Variants in NCOA3 observed in about 807,000 individuals in gnomAD.
NCOA3 encodes the protein CBP-interacting protein.
A neutral mutation model predicts 158.8 loss-of-function variants in NCOA3; 51 were observed. The ratio of observed to expected loss-of-function variants is 0.32; its 90% CI spans 0.26 to 0.41. NCOA3 has a LOEUF of 0.41. NCOA3 is among the 10% of genes least tolerant of loss of function. The pLI is 1.00. For missense variants in NCOA3, 1,510 were observed against 1,746.6 expected (o/e 0.86, Z 2.41); for synonymous variants, 537 against 592.4 (o/e 0.91, Z 1.36).
In NCOA3 at chr20:47,639,192, C is replaced by T; in HGVS notation, c.2697C>T (p.Gly899=). Residue 899 remains glycine (G), a synonymous_variant, in exon 14 of 23, where the codon GGC becomes GGT. Transcript: ENST00000371998. ...PRMMDSQENY[G]SSMGGPNRNV... is the part of the protein sequence containing the mutation. The stretch of plus-strand genomic sequence containing the variant: ...TGATGGATAGTCAGGAAAATTATGG[C>T]TCAAGTATGGGTACGTTATTTCTAA... 6.2e-7 allele frequency: 1 copy of T among 1,612,676 alleles called. No homozygotes were observed. The highest frequency in any genetic ancestry group is 8.5e-7 in the Non-Finnish European group (1 of 1,178,836).
intron 1 of NCOA3, among the ~76,000 whole-genome samples, chr20:47,557,494 G>A (rs1003928357): frequency 1.3e-5 from 2 of 152,168 alleles, no homozygotes; most frequent in African/African-American, 2.4e-5. Flanking sequence ...GGTTTAAACC[G>A]CCACCTGTCT....
chr20:47,613,586 C>T (rs964256409), intron 2 of NCOA3, among the ~76,000 whole-genome samples: 1 of 151,372 alleles, frequency 6.6e-6, no homozygotes, highest in African/African-American at 2.4e-5. Flanking sequence ...AAAAAATTTC[C>T]CTCTCTGACA....
intron 2 of NCOA3, among the ~76,000 whole-genome samples, chr20:47,591,692 A>AT (rs1182824345): frequency 2.0e-5 from 3 of 147,932 alleles, no homozygotes; most frequent in African/African-American, 5.0e-5. Flanking sequence ...TGGGTTGTTG[A>AT]TTTTTTTATT....
intron 18 of NCOA3, among the ~76,000 whole-genome samples, chr20:47,647,909 G>GTTTTTTTTT (rs1199919209): frequency 1.6e-5 from 2 of 128,090 alleles, no homozygotes; most frequent in African/African-American, 2.9e-5. Context: ...TTGTTTGTTT[G>GTTTTTTTTT]TTTTGTTTTG....
chr20:47,650,630 G>A (rs1402492508), intron 19 of NCOA3, among the ~76,000 whole-genome samples: 4 of 151,854 alleles, frequency 2.6e-5, no homozygotes, highest in Admixed American at 6.6e-5. Context: ...TCGGGAGGCC[G>A]AGGTGGGCGG....
intron 1 of NCOA3, among the ~76,000 whole-genome samples, chr20:47,522,497 A>T (rs2084358865): frequency 1.3e-5 from 2 of 151,294 alleles, no homozygotes; most frequent in South Asian, 4.2e-4. Context: ...ATACAGAGAC[A>T]GAAGGAGGGG....
chr20:47,580,716 A>G (rs1161384349), intron 1 of NCOA3, among the ~76,000 whole-genome samples: 2 of 152,144 alleles, frequency 1.3e-5, no homozygotes, highest in Non-Finnish European at 2.9e-5. Flanking sequence ...GGGCCAGAAG[A>G]TCTTAGAGGT....
chr20:47,634,326 GT>G, intron 10 of NCOA3, 131 bp downstream of exon 10: 1 of 832,000 alleles, frequency 1.2e-6, no homozygotes, highest in Non-Finnish European at 1.9e-6. Context: ...GATGAAATGA[GT>G]TTAGATTCCT....
chr20:47,575,722 A>C (rs1449857871), intron 1 of NCOA3, among the ~76,000 whole-genome samples: 2 of 152,210 alleles, frequency 1.3e-5, no homozygotes, highest in African/African-American at 4.8e-5. Flanking sequence ...TCTAAACGTA[A>C]AGGTAAATTT....
At position 47,563,208 on chromosome 20, in the gene NCOA3, A is replaced by G. The variant is rs73125849; in HGVS notation, c.-98-19975A>G. Among the ~76,000 whole-genome samples, 867 of 152,348 alleles carry G rather than the reference A, an allele frequency of 5.7e-3. 4 individuals are homozygous for G. The highest frequency in any genetic ancestry group is 7.5e-3 in the Non-Finnish European group (511 of 68,036). The stretch of plus-strand genomic sequence containing the variant: ...TTTTTATATTACATTAAGGAGTTTA[A>G]CATTTTGTAGAGCTTAAAAAGTTTT... On this transcript the variant is annotated intron_variant, in intron 1 of 22. Coordinates refer to ENST00000371998, the MANE Select transcript of NCOA3 (RefSeq NM_181659.3).
chr20:47,524,340 C>T (rs931691556), intron 1 of NCOA3, among the ~76,000 whole-genome samples: 13 of 151,972 alleles, frequency 8.6e-5, no homozygotes, highest in East Asian at 1.9e-4. Context: ...GGTAAGAGAC[C>T]GAGGATAGAA....
chr20:47,533,369 A>G (rs1203868401), intron 1 of NCOA3, among the ~76,000 whole-genome samples: 1 of 149,642 alleles, frequency 6.7e-6, no homozygotes, highest in African/African-American at 2.5e-5. Flanking sequence ...CTTTGGTTGT[A>G]AAGGTGATTA....
At chr20:47,617,430 A>G (rs918003593) in intron 2 of NCOA3, among the ~76,000 whole-genome samples, 3 of 152,166 alleles carry the variant, frequency 2.0e-5, no homozygotes, top group African/African-American at 7.2e-5. Context: ...ACCGGTTAAG[A>G]ACTTCATGGT....
intron 2 of NCOA3, among the ~76,000 whole-genome samples, chr20:47,620,963 C>A (rs2086231203): frequency 6.6e-6 from 1 of 152,148 alleles, no homozygotes; most frequent in Non-Finnish European, 1.5e-5. Flanking sequence ...AAATACAATA[C>A]CCCTGAGATT....
chr20:47,512,760 G>A (rs184418039), intron 1 of NCOA3, among the ~76,000 whole-genome samples: 10 of 152,250 alleles, frequency 6.6e-5, no homozygotes, highest in Non-Finnish European at 1.5e-4. Context: ...CCGTTTGTTG[G>A]TAAGGATGTG....
chr20:47,593,241 C>T (rs896032792), intron 2 of NCOA3, among the ~76,000 whole-genome samples: 4 of 149,696 alleles, frequency 2.7e-5, no homozygotes, highest in African/African-American at 9.9e-5. Context: ...CCACCACATA[C>T]GTTTTAAAAT....
Position 47,624,015 on chromosome 20 carries a change from A to G in NCOA3, c.188A>G (p.Asn63Ser), listed in dbSNP as rs772255844. Residue 63 changes from asparagine to serine, a missense_variant, in exon 4 of 23, where the codon AAT becomes AGT. Physicochemically the swap from Asn to Ser is conservative, Grantham distance 46 (BLOSUM62 1). This residue lies in a region of NCOA3 where 309 missense variants were observed against 427.1 expected (regional missense o/e 0.72). Coordinates refer to ENST00000371998, the MANE Select transcript of NCOA3 (RefSeq NM_181659.3). ...AATCTTAGTGATATTGACAATTTCA[A>G]TGTCAAACCAGATAAATGTGCGATT... ...SANLSDIDNFNVKPDKCAILK... is the reference protein window; with the variant it reads ...SANLSDIDNFSVKPDKCAILK... The G allele has an allele frequency of 4.3e-6, 7 of 1,612,680 alleles. No homozygotes were observed. The highest frequency in any genetic ancestry group is 2.2e-5 in the East Asian group (1 of 44,888).
rs1444595285 is a variant in NCOA3 at position 47,655,563 on chromosome 20, T to C, written c.*2146T>C. The C allele has an allele frequency of 1.3e-5, 2 of 152,630 alleles. No individual in the cohort carries two copies. Among genetic ancestry groups the C allele is most frequent in the East Asian group, 3.8e-4 (2 of 5,196 alleles). The allele number at this position is 152,630 out of a possible 1,614,324, so 9.5% of individuals were successfully genotyped here. ...TCTTTCCCCTACCAAGTTCAAAATA[T>C]ATCTAAGAAAGATTGTAAATCCGAA... On this transcript the variant is annotated 3_prime_UTR_variant, in exon 23 of 23. Transcript: ENST00000371998.
chr20:47,598,600 G>C (rs2085803621), intron 2 of NCOA3, among the ~76,000 whole-genome samples: 1 of 152,168 alleles, frequency 6.6e-6, no homozygotes. Flanking sequence ...GCCTCCCAAA[G>C]TGCTGGGATT....
Sources: allele counts gnomAD v4.1 joint callset (sites outside exome capture counted in the v4.1 genomes callset), GRCh38; gene constraint gnomAD v4.1.1; regional missense constraint gnomAD v4.1.1; transcripts MANE v1.5; gene names NCBI Gene and HGNC (gene_info 2026-07-23, HGNC 2026-07-21).